The following CAMK1D variants were observed in gnomAD, a reference collection of about 807,000 sequenced individuals.
CAMK1D encodes calcium/calmodulin dependent protein kinase ID.
A neutral mutation model predicts 47.7 loss-of-function variants in CAMK1D; 9 were observed. That is an observed-to-expected ratio of 0.19 (90% CI 0.11 to 0.33). The LOEUF (loss-of-function observed/expected upper bound fraction) is 0.33, where lower values mean the gene tolerates loss of function less well. Among genes scored for constraint, CAMK1D ranks in the 10% least tolerant of loss-of-function variants. CAMK1D has a pLI of 1.00. For missense variants in CAMK1D, 291 were observed against 488.7 expected, an observed-to-expected ratio of 0.60 and a Z score of 3.81; for synonymous variants, 184 against 184.9, an observed-to-expected ratio of 0.99 and a Z score of 0.04.
chr10:12,566,218 A>T (rs1262650855), intron 2 of CAMK1D, among the ~76,000 whole-genome samples: 1 of 152,202 alleles, frequency 6.6e-6, no homozygotes, highest in Non-Finnish European at 1.5e-5. Context: ...TGTAAGGGAC[A>T]TCTTGCTAGA....
At chr10:12,781,928 G>A (rs1322278192) in intron 5 of CAMK1D, among the ~76,000 whole-genome samples, 5 of 151,146 alleles carry the variant, frequency 3.3e-5, no homozygotes, top group African/African-American at 4.9e-5. Context: ...GATTACAGGC[G>A]TAAGCCACCA....
intron 2 of CAMK1D, among the ~76,000 whole-genome samples, chr10:12,659,768 T>C (rs1420654248): frequency 1.3e-5 from 2 of 152,192 alleles, no homozygotes; most frequent in Admixed American, 6.5e-5. Context: ...CCTCTCTTTT[T>C]GTGTGAATAA....
chr10:12,825,965 C>G (rs1833193554), intron 10 of CAMK1D: 1 of 455,704 alleles, frequency 2.2e-6, no homozygotes, highest in East Asian at 3.8e-5. Context: ...TGGTGAAACC[C>G]CATCTCTACT....
chr10:12,726,461 G>C (rs1245448239), intron 3 of CAMK1D, among the ~76,000 whole-genome samples: 1 of 151,874 alleles, frequency 6.6e-6, no homozygotes, highest in Non-Finnish European at 1.5e-5. Flanking sequence ...AAAAAAGAAG[G>C]GAATACTGTA....
At position 12,435,602 on chromosome 10, in the gene CAMK1D, G is replaced by T. The variant is rs538400486; in HGVS notation, c.92+85692G>T. On this transcript the variant is annotated intron_variant, in intron 1 of 10. Coordinates refer to ENST00000619168, the MANE Select transcript of CAMK1D (RefSeq NM_153498.4). ...AGACGTGCTCTGTGCCCAGCAGGTT[G>T]GAGGATGGCTTAGTGGTCATCTCCA... 2.7e-4 allele frequency among the ~76,000 whole-genome samples: 41 copies of T among 152,316 alleles called. 1 individual carries two copies. The South Asian group carries it at 8.5e-3, about 32-fold the overall frequency.
At chr10:12,422,427 C>T (rs1482378096) in intron 1 of CAMK1D, among the ~76,000 whole-genome samples, 1 of 152,178 alleles carries the variant, frequency 6.6e-6, no homozygotes, top group Non-Finnish European at 1.5e-5. Context: ...GCTCTGATTG[C>T]AGGCGGCCCA....
chr10:12,576,539 G>T (rs1837494819), intron 2 of CAMK1D, among the ~76,000 whole-genome samples: 1 of 152,118 alleles, frequency 6.6e-6, no homozygotes, highest in African/African-American at 2.4e-5. Context: ...GGAGCCCTGA[G>T]CTTGTTTTCC....
At chr10:12,707,348 A>G (rs1833763136) in intron 3 of CAMK1D, among the ~76,000 whole-genome samples, 2 of 152,136 alleles carry the variant, frequency 1.3e-5, no homozygotes, top group African/African-American at 2.4e-5. Context: ...TTGTTGTTCT[A>G]TTTGTGTTGA....
At chr10:12,647,853 A>C (rs1357156815) in intron 2 of CAMK1D, among the ~76,000 whole-genome samples, 1 of 152,166 alleles carries the variant, frequency 6.6e-6, no homozygotes, top group Non-Finnish European at 1.5e-5. Flanking sequence ...TCTGGGGCCC[A>C]TATGGACTGC....
intron 1 of CAMK1D, among the ~76,000 whole-genome samples, chr10:12,505,296 G>A (rs559795441): frequency 1.2e-3 from 188 of 152,348 alleles, no homozygotes; most frequent in African/African-American, 4.4e-3. Context: ...TTTGTAGGTA[G>A]AGGAGCTTGT....
At chr10:12,535,970 C>T (rs1198295290) in intron 1 of CAMK1D, among the ~76,000 whole-genome samples, 7 of 152,132 alleles carry the variant, frequency 4.6e-5, no homozygotes, top group Admixed American at 3.9e-4. Flanking sequence ...TGGCTGTTAA[C>T]TGCTGTGCTG....
At chr10:12,487,522 T>C (rs1253736831) in intron 1 of CAMK1D, among the ~76,000 whole-genome samples, 1 of 152,212 alleles carries the variant, frequency 6.6e-6, no homozygotes, top group Non-Finnish European at 1.5e-5. Flanking sequence ...CCTGAGTTGA[T>C]TTGTACTTTT....
At chr10:12,466,569 G>A (rs1833596814) in intron 1 of CAMK1D, among the ~76,000 whole-genome samples, 1 of 151,410 alleles carries the variant, frequency 6.6e-6, no homozygotes, top group African/African-American at 2.4e-5. Context: ...TGGGAGACAG[G>A]GCAAGACCCT....
chr10:12,522,600 T>G (rs543972732), intron 1 of CAMK1D, among the ~76,000 whole-genome samples: 12 of 152,052 alleles, frequency 7.9e-5, no homozygotes, highest in Admixed American at 2.0e-4. Context: ...TCCACTTCTT[T>G]CCACACAGAC....
chr10:12,747,337 A>C (rs1398255951), intron 3 of CAMK1D, among the ~76,000 whole-genome samples: 2 of 152,102 alleles, frequency 1.3e-5, no homozygotes, highest in Non-Finnish European at 2.9e-5. Context: ...ACAAGGTCTC[A>C]CTCTGTCACT....
rs115704044 is a variant in CAMK1D at position 12,407,075 on chromosome 10, C to T, written c.92+57165C>T. On this transcript the variant is annotated intron_variant, in intron 1 of 10. Coordinates refer to ENST00000619168, the MANE Select transcript of CAMK1D (RefSeq NM_153498.4). Reference sequence around the variant, plus strand: ...TTTTGCCTTCTCCTCTTCCTCTGTCCCTGCTGCCTATCACCCTCCTTATAC... The same window carrying T: ...TTTTGCCTTCTCCTCTTCCTCTGTCTCTGCTGCCTATCACCCTCCTTATAC... Among the ~76,000 whole-genome samples the T allele has an allele frequency of 2.3e-3, 344 of 152,294 alleles. 4 individuals carry two copies. Among genetic ancestry groups the T allele is most frequent in the African/African-American group, 8.2e-3 (339 of 41,556 alleles).
chr10:12,521,077 TTTGA>T (rs1201837612), intron 1 of CAMK1D, among the ~76,000 whole-genome samples: 2 of 152,198 alleles, frequency 1.3e-5, no homozygotes, highest in Admixed American at 6.5e-5. Flanking sequence ...CAGCTTATAG[TTTGA>T]TTGATTTGCT....
chr10:12,650,977 C>T (rs1164219165), intron 2 of CAMK1D, among the ~76,000 whole-genome samples: 1 of 152,212 alleles, frequency 6.6e-6, no homozygotes, highest in Non-Finnish European at 1.5e-5. Context: ...TCCCCTAAGG[C>T]TCCCTGGATT....
chr10:12,572,047 C>G (rs1054298431), intron 2 of CAMK1D, among the ~76,000 whole-genome samples: 20 of 149,602 alleles, frequency 1.3e-4, no homozygotes, highest in Non-Finnish European at 2.8e-4. Flanking sequence ...AAACCCCCCC[C>G]CAAAAAAAAA....
Sources: allele counts gnomAD v4.1 joint callset (sites outside exome capture counted in the v4.1 genomes callset), GRCh38; gene constraint gnomAD v4.1.1; transcripts MANE v1.5; gene names NCBI Gene and HGNC (gene_info 2026-07-23, HGNC 2026-07-21).